ZNF383: variants seen among roughly 807,000 people sequenced by gnomAD.
ZNF383 encodes zinc finger protein 383.
A neutral mutation model predicts 44.2 loss-of-function variants in ZNF383; 32 were observed. That is an observed-to-expected ratio of 0.72 (90% CI 0.55 to 0.97). The LOEUF is 0.97. Ranked by LOEUF, ZNF383 falls within the 50% of genes least tolerant of loss-of-function variation. The pLI, the probability that ZNF383 is intolerant of heterozygous loss-of-function variation, is 0.00. For synonymous variants in ZNF383, 155 were observed against 186.2 expected (o/e 0.83, Z 1.36); for missense variants, 487 against 562.5 (o/e 0.87, Z 1.36).
intron 5 of ZNF383, among the ~76,000 whole-genome samples, chr19:37,236,717 A>G (rs572341539): frequency 6.6e-6 from 1 of 151,796 alleles, no homozygotes; most frequent in African/African-American, 2.4e-5. Flanking sequence ...CTACAGGCGC[A>G]TGCCACCATG....
rs182376479 is a variant in ZNF383 at position 37,234,475 on chromosome 19, G to A, written c.10-1074G>A. Among the ~76,000 whole-genome samples the A allele has an allele frequency of 3.5e-3, 533 of 152,082 alleles. 5 individuals are homozygous for A. The highest frequency in any genetic ancestry group is 0.012 in the African/African-American group (515 of 41,470). On this transcript the variant is annotated intron_variant, in intron 3 of 5. Coordinates refer to ENST00000684119, the MANE Select transcript of ZNF383 (RefSeq NM_001387601.1). ...GCGATCTCGGCTCAGTGCAAGCTCC[G>A]CCTCCCGGATTCACGCCACTCTCCT...
chr19:37,241,496 A>AT (rs1379705272), intron 5 of ZNF383, among the ~76,000 whole-genome samples: 2 of 152,142 alleles, frequency 1.3e-5, no homozygotes, highest in Non-Finnish European at 2.9e-5. Flanking sequence ...ACATCAGTGC[A>AT]TTTACCAACC....
At chr19:37,233,217 G>A (rs1248486525) in intron 3 of ZNF383, among the ~76,000 whole-genome samples, 4 of 151,870 alleles carry the variant, frequency 2.6e-5, no homozygotes, top group African/African-American at 4.8e-5. Flanking sequence ...TGCAAGCTCC[G>A]CCTCCTGGGT....
chr19:37,235,273 CAAA>C (rs929742693), intron 3 of ZNF383, among the ~76,000 whole-genome samples: 15 of 96,568 alleles, frequency 1.6e-4, no homozygotes, highest in Non-Finnish European at 1.3e-4. Flanking sequence ...ATTTCTGTCT[CAAA>C]AAAAAAAAAA....
At chr19:37,236,207 T>G in intron 5 of ZNF383, 133 bp downstream of exon 5, 6 of 568,616 alleles carry the variant, frequency 1.1e-5, no homozygotes, top group Non-Finnish European at 1.5e-5. Context: ...GAAAATGAAG[T>G]CCTTTTAGCA....
intron 5 of ZNF383, among the ~76,000 whole-genome samples, chr19:37,240,502 A>G (rs1284011577): frequency 2.6e-5 from 4 of 152,204 alleles, no homozygotes; most frequent in African/African-American, 4.8e-5. Context: ...GCTCTCATCA[A>G]TCTGCTTCTG....
intron 1 of ZNF383, among the ~76,000 whole-genome samples, chr19:37,220,464 A>G (rs562242624): frequency 4.2e-4 from 63 of 151,502 alleles, no homozygotes; most frequent in African/African-American, 1.5e-3. Flanking sequence ...GAGTTTCACT[A>G]TGTTGGCCAG....
chr19:37,231,745 T>G (rs1364399272), intron 3 of ZNF383, among the ~76,000 whole-genome samples: 2 of 152,194 alleles, frequency 1.3e-5, no homozygotes, highest in African/African-American at 4.8e-5. Context: ...TTAAATAGTC[T>G]TCCTGCATAG....
chr19:37,242,478 C>G lies in ZNF383; in HGVS notation c.242C>G (p.Ser81Trp). Residue 81 changes from serine to tryptophan, a missense_variant, in exon 6 of 6, where the codon TCG becomes TGG. Ser to Trp is a radical substitution (Grantham distance 177, BLOSUM62 -3). Coordinates refer to ENST00000684119, the MANE Select transcript of ZNF383 (RefSeq NM_001387601.1). Reference protein sequence around the residue: ...LTRGLCSDLESMCETKLLSLK... With the variant: ...LTRGLCSDLEWMCETKLLSLK... ...TTTTATTTTCTTTCAGATCTGGAAT[C>G]GATGTGTGAAACCAAGTTATTATCT... The G allele has an allele frequency of 6.4e-7, 1 of 1,572,486 alleles. No individual in the cohort carries two copies. Among genetic ancestry groups the G allele is most frequent in the Non-Finnish European group, 8.7e-7 (1 of 1,153,140 alleles).
chr19:37,239,885 C>T (rs1465554760), intron 5 of ZNF383, among the ~76,000 whole-genome samples: 3 of 152,214 alleles, frequency 2.0e-5, no homozygotes, highest in South Asian at 4.1e-4. Flanking sequence ...ATCTGCCGGG[C>T]GCAGTGGCTC....
At chr19:37,225,937 G>A (rs922701434) in intron 2 of ZNF383, among the ~76,000 whole-genome samples, 8 of 149,718 alleles carry the variant, frequency 5.3e-5, no homozygotes, top group African/African-American at 9.9e-5. Flanking sequence ...CTACAGGCGC[G>A]CACCACCATG....
chr19:37,220,379 T>C (rs1041286748), intron 1 of ZNF383, among the ~76,000 whole-genome samples: 3 of 152,074 alleles, frequency 2.0e-5, no homozygotes, highest in Non-Finnish European at 4.4e-5. Flanking sequence ...ATTCTCCCGC[T>C]CCAGCCTCCT....
intron 3 of ZNF383, among the ~76,000 whole-genome samples, chr19:37,234,632 A>C (rs540539094): frequency 1.1e-3 from 165 of 151,434 alleles, no homozygotes; most frequent in African/African-American, 3.4e-3. Flanking sequence ...CCTCGCGATC[A>C]GCCCGCCTTG....
In ZNF383 at chr19:37,245,198, C is replaced by G. The variant is rs898254460; in HGVS notation, c.*1534C>G. ...GCTGAGACAGGAGAATTGCTTGAAC[C>G]TGGGAGGCGGAGGTTGCAGTGAGCT... On this transcript the variant is annotated 3_prime_UTR_variant, in exon 6 of 6. Coordinates refer to ENST00000684119, the MANE Select transcript of ZNF383 (RefSeq NM_001387601.1). 2.0e-5 allele frequency: 3 copies of G among 152,168 alleles called. No homozygotes were observed. The highest frequency in any genetic ancestry group is 7.2e-5 in the African/African-American group (3 of 41,438). 9.4% of individuals were successfully genotyped at this position (152,168 alleles called of 1,614,324 possible).
intron 5 of ZNF383, among the ~76,000 whole-genome samples, chr19:37,239,678 A>G (rs1973982988): frequency 6.6e-6 from 1 of 152,080 alleles, no homozygotes. Context: ...AGCAGTGGAA[A>G]CCTAAGCCAA....
rs1974386588 is a variant in ZNF383, at chr19:37,246,727, T to C, written c.*3063T>C. The C allele has an allele frequency of 6.6e-6, 1 of 152,084 alleles. No individual in the cohort carries two copies. Among genetic ancestry groups the C allele is most frequent in the Non-Finnish European group, 1.5e-5 (1 of 68,018 alleles). The allele number at this position is 152,084 out of a possible 1,614,324, so 9.4% of individuals were successfully genotyped here. ...TTGCTTGAACCTGGGAGTTGGAGGTTATAGTGAGCTGAGATTGCACCACTG... is the reference window on the plus strand; with the variant it reads ...TTGCTTGAACCTGGGAGTTGGAGGTCATAGTGAGCTGAGATTGCACCACTG... On this transcript the variant is annotated 3_prime_UTR_variant, in exon 6 of 6. Coordinates refer to ENST00000684119, the MANE Select transcript of ZNF383 (RefSeq NM_001387601.1).
At chr19:37,225,436 T>C (rs1039673696) in intron 2 of ZNF383, among the ~76,000 whole-genome samples, 1 of 152,184 alleles carries the variant, frequency 6.6e-6, no homozygotes, top group African/African-American at 2.4e-5. Context: ...TATATTCATA[T>C]TGTACAATAG....
At chr19:37,235,748 CT>C (rs771119387) in intron 4 of ZNF383, 73 bp downstream of exon 4, 2 of 1,490,184 alleles carry the variant, frequency 1.3e-6, no homozygotes, top group Admixed American at 2.3e-5. Flanking sequence ...AATTTCTCAG[CT>C]GCTTTTCAGG....
intron 2 of ZNF383, 58 bp downstream of exon 2, chr19:37,224,997 A>C (rs938793869): frequency 6.6e-6 from 1 of 152,154 alleles, no homozygotes; most frequent in Non-Finnish European, 1.5e-5. Context: ...GGGTTTCACC[A>C]TATTGGTGAG....
Sources: gnomAD v4.1 joint callset for allele counts (sites outside exome capture counted in the v4.1 genomes callset) on GRCh38, gnomAD v4.1.1 for gene constraint, MANE v1.5 for transcripts, NCBI Gene and HGNC (gene_info 2026-07-23, HGNC 2026-07-21) for gene names.